Variants in MACROD2 observed in about 807,000 individuals in gnomAD.
MACROD2 encodes mono-ADP ribosylhydrolase 2, also known as ADP-ribose glycohydrolase MACROD2.
Under a neutral mutation model 70.4 loss-of-function variants are expected in MACROD2, and 36 were observed. The observed-to-expected ratio is 0.51, with a 90% confidence interval of 0.39 to 0.68. The LOEUF (loss-of-function observed/expected upper bound fraction) is 0.68, where lower values mean the gene tolerates loss of function less well. Among genes scored for constraint, MACROD2 ranks in the 30% least tolerant of loss-of-function variants. The pLI, the probability that MACROD2 is intolerant of heterozygous loss-of-function variation, is 0.00. For synonymous variants in MACROD2, 172 were observed against 178.8 expected (o/e 0.96, Z 0.30); for missense variants, 496 against 538.4 (o/e 0.92, Z 0.78).
rs2072602025 is a variant in MACROD2, at chr20:14,803,452, T to G, written c.418+118493T>G. 1.3e-5 allele frequency among the ~76,000 whole-genome samples: 2 copies of G among 152,032 alleles called. 1 individual carries two copies. Among genetic ancestry groups the G allele is most frequent in the East Asian group, 3.9e-4 (2 of 5,186 alleles). ...AAATTAAATCACACTTTGCTCAGAA[T>G]GCATAGAAATATTTTATAGTATATT... is the stretch of plus-strand genomic sequence containing the variant. On this transcript the variant is annotated intron_variant, in intron 5 of 17. Transcript: ENST00000684519.
At chr20:15,146,038 T>G (rs567398799) in intron 5 of MACROD2, among the ~76,000 whole-genome samples, 27 of 152,296 alleles carry the variant, frequency 1.8e-4, no homozygotes, top group African/African-American at 6.3e-4. Flanking sequence ...ATTTAAAACA[T>G]TTAAAATTTA....
chr20:15,678,475 T>TC (rs1177446251), intron 8 of MACROD2, among the ~76,000 whole-genome samples: 1 of 151,998 alleles, frequency 6.6e-6, no homozygotes, highest in African/African-American at 2.4e-5. Flanking sequence ...TTCTCCTGCC[T>TC]CAGCCTCCCG....
chr20:14,423,645 A>G (rs1348602127), intron 3 of MACROD2, among the ~76,000 whole-genome samples: 1 of 137,064 alleles, frequency 7.3e-6, no homozygotes, highest in African/African-American at 2.7e-5. Context: ...GCTTGCGTTG[A>G]GCTGAGATCG....
At chr20:15,766,968 G>A (rs765404027) in intron 8 of MACROD2, among the ~76,000 whole-genome samples, 2 of 152,184 alleles carry the variant, frequency 1.3e-5, no homozygotes, top group Non-Finnish European at 2.9e-5. Context: ...CTCTGATCGT[G>A]TAAGATTTGC....
At chr20:16,011,855 TG>T (rs1033827446) in intron 15 of MACROD2, among the ~76,000 whole-genome samples, 1 of 152,226 alleles carries the variant, frequency 6.6e-6, no homozygotes, top group African/African-American at 2.4e-5. Flanking sequence ...TTCAGCTCCA[TG>T]ATCAAGGCTC....
intron 8 of MACROD2, among the ~76,000 whole-genome samples, chr20:15,670,326 G>A (rs983361280): frequency 6.6e-6 from 1 of 152,154 alleles, no homozygotes; most frequent in Admixed American, 6.5e-5. Flanking sequence ...GGATGGTGTT[G>A]TCAAACAGAG....
intron 8 of MACROD2, among the ~76,000 whole-genome samples, chr20:15,611,979 C>T (rs578132836): frequency 6.6e-5 from 10 of 151,026 alleles, no homozygotes; most frequent in Non-Finnish European, 1.2e-4. Flanking sequence ...TCTCCATCCT[C>T]CTACCACCAC....
At chr20:14,351,953 C>T (rs180941726) in intron 3 of MACROD2, among the ~76,000 whole-genome samples, 3 of 152,186 alleles carry the variant, frequency 2.0e-5, no homozygotes, top group East Asian at 1.9e-4. Flanking sequence ...ATAACTTTAT[C>T]GAATGCTTTT....
intron 5 of MACROD2, among the ~76,000 whole-genome samples, chr20:15,049,114 T>C (rs84819): frequency 0.18 from 27,904 of 151,960 alleles, 2,718 homozygotes; most frequent in African/African-American, 0.21. Context: ...TAGGAACAGA[T>C]ATAATACATG....
At position 14,548,771 on chromosome 20, in the gene MACROD2, G is replaced by A. The variant is rs144648660; in HGVS notation, c.301+55263G>A. On this transcript the variant is annotated intron_variant, in intron 4 of 17. Coordinates refer to ENST00000684519, the MANE Select transcript of MACROD2 (RefSeq NM_001351661.2). ...ATCTTAGTTTTTTTTTTTTAGATTA[G>A]AATGCTGGCAATTCACTGGGAAGTG... Among the ~76,000 whole-genome samples, 1,173 of 147,490 alleles carry A rather than the reference G, an allele frequency of 8.0e-3. 10 individuals are homozygous for A. The highest frequency in any genetic ancestry group is 0.013 in the Non-Finnish European group (867 of 66,946).
At chr20:15,447,801 G>T (rs1201289058) in intron 7 of MACROD2, among the ~76,000 whole-genome samples, 1 of 152,146 alleles carries the variant, frequency 6.6e-6, no homozygotes, top group African/African-American at 2.4e-5. Context: ...GTGTTCTGCC[G>T]CAGGGTGAAG....
intron 5 of MACROD2, among the ~76,000 whole-genome samples, chr20:15,085,885 C>CA (rs1555781153): frequency 1.3e-5 from 2 of 150,778 alleles, no homozygotes; most frequent in East Asian, 3.9e-4. Flanking sequence ...CACACACACA[C>CA]ACACACACAC....
intron 3 of MACROD2, among the ~76,000 whole-genome samples, chr20:14,231,589 G>A (rs1202294034): frequency 1.6e-4 from 24 of 152,118 alleles, no homozygotes; most frequent in African/African-American, 4.3e-4. Flanking sequence ...GAGTAGTGCC[G>A]CAATAAACAT....
intron 3 of MACROD2, among the ~76,000 whole-genome samples, chr20:14,481,039 T>A (rs1214393895): frequency 6.6e-6 from 1 of 152,126 alleles, no homozygotes; most frequent in Non-Finnish European, 1.5e-5. Context: ...TATTTGATTG[T>A]CCTAAAGTCA....
intron 8 of MACROD2, among the ~76,000 whole-genome samples, chr20:15,834,176 A>G (rs768376428): frequency 2.0e-5 from 3 of 152,058 alleles, no homozygotes; most frequent in Non-Finnish European, 2.9e-5. Context: ...TTGTTATTTA[A>G]ACACGCTGCA....
intron 4 of MACROD2, among the ~76,000 whole-genome samples, chr20:14,680,603 T>C (rs2070920442): frequency 6.6e-6 from 1 of 152,154 alleles, no homozygotes; most frequent in Admixed American, 6.5e-5. Flanking sequence ...CTAAAGCCTC[T>C]ACCATATATT....
At chr20:14,007,620 A>T (rs1467162690) in intron 2 of MACROD2, among the ~76,000 whole-genome samples, 1 of 152,226 alleles carries the variant, frequency 6.6e-6, no homozygotes, top group African/African-American at 2.4e-5. Context: ...GAAAGATGGC[A>T]TTACTTCTTT....
intron 3 of MACROD2, among the ~76,000 whole-genome samples, chr20:14,314,852 G>C (rs1398948678): frequency 6.6e-6 from 1 of 152,072 alleles, no homozygotes; most frequent in African/African-American, 2.4e-5. Context: ...TCCTCTACTT[G>C]AAATACATAA....
At chr20:14,914,652 A>T (rs568521845) in intron 5 of MACROD2, among the ~76,000 whole-genome samples, 1 of 152,354 alleles carries the variant, frequency 6.6e-6, no homozygotes, top group South Asian at 2.1e-4. Flanking sequence ...TTTGACAGCT[A>T]TAGGAATTTT....
Sources: allele counts gnomAD v4.1 joint callset (sites outside exome capture counted in the v4.1 genomes callset), GRCh38; gene constraint gnomAD v4.1.1; transcripts MANE v1.5; gene names NCBI Gene and HGNC (gene_info 2026-07-23, HGNC 2026-07-21).